The following AKT3 variants were observed in gnomAD, a reference collection of about 807,000 sequenced individuals.
AKT3 encodes the protein RAC-gamma serine/threonine-protein kinase.
Under a neutral mutation model 65.3 loss-of-function variants are expected in AKT3, and 15 were observed. That is an observed-to-expected ratio of 0.23 (90% CI 0.15 to 0.35). The LOEUF (loss-of-function observed/expected upper bound fraction) is 0.35, where lower values mean the gene tolerates loss of function less well. AKT3 is among the 10% of genes least tolerant of loss of function. The pLI is 1.00. For synonymous variants in AKT3, 206 were observed against 183.8 expected, an observed-to-expected ratio of 1.12 and a Z score of -0.98; for missense variants, 243 against 576.5, an observed-to-expected ratio of 0.42 and a Z score of 5.92.
chr1:243,733,994 A>C (rs1219048104), intron 2 of AKT3, among the ~76,000 whole-genome samples: 1 of 152,222 alleles, frequency 6.6e-6, no homozygotes, highest in Non-Finnish European at 1.5e-5. Context: ...GTATTAATAT[A>C]AATCTCAGAA....
At chr1:243,552,577 A>G in intron 11 of AKT3, 152 bp downstream of exon 11, 1 of 707,864 alleles carries the variant, frequency 1.4e-6, no homozygotes. Context: ...AATGTTCTAT[A>G]TTATGCAGTT....
intron 2 of AKT3, among the ~76,000 whole-genome samples, chr1:243,795,672 C>A (rs1174923613): frequency 1.3e-5 from 2 of 150,876 alleles, no homozygotes; most frequent in East Asian, 2.0e-4. Flanking sequence ...GGGGTTTCAC[C>A]GTTTTAGCCG....
chr1:243,533,089 A>T lies in AKT3; in HGVS notation c.1251+12421T>A, dbSNP rs992787604. 3.9e-5 allele frequency among the ~76,000 whole-genome samples: 6 copies of T among 152,300 alleles called. No individual in the cohort carries two copies. In the East Asian group the frequency reaches 1.2e-3, roughly 29 times the overall value. On this transcript the variant is annotated intron_variant, in intron 12 of 13. Coordinates refer to ENST00000673466, the MANE Select transcript of AKT3 (RefSeq NM_005465.7). ...TGTCAGTTTTGCTGATTTTTCAAAT[A>T]ACCAACTTTCGGTTTCGGTCATTAT...
chr1:243,836,752 A>C (rs182432047), intron 2 of AKT3, among the ~76,000 whole-genome samples: 3 of 152,064 alleles, frequency 2.0e-5, no homozygotes, highest in African/African-American at 7.2e-5. Flanking sequence ...CTCTACTAAA[A>C]GTAGAAAATT....
intron 12 of AKT3, among the ~76,000 whole-genome samples, chr1:243,525,936 A>G (rs956464123): frequency 6.7e-6 from 1 of 150,222 alleles, no homozygotes; most frequent in Non-Finnish European, 1.5e-5. Flanking sequence ...AGATTCAAAA[A>G]GCTCAGGCAA....
At chr1:243,550,958 C>CAA (rs60047036) in intron 11 of AKT3, among the ~76,000 whole-genome samples, 731 of 17,502 alleles carry the variant, frequency 0.042, 81 homozygotes, top group South Asian at 0.054. Context: ...GACTCCCTCT[C>CAA]AAAAAAAAAA....
At chr1:243,543,706 T>C (rs181732587) in intron 12 of AKT3, among the ~76,000 whole-genome samples, 3 of 152,318 alleles carry the variant, frequency 2.0e-5, no homozygotes, top group Admixed American at 2.0e-4. Flanking sequence ...TAAGTGGATA[T>C]AAAATTGTCT....
intron 6 of AKT3, among the ~76,000 whole-genome samples, chr1:243,622,855 T>A (rs1678866542): frequency 6.6e-6 from 1 of 152,066 alleles, no homozygotes; most frequent in Admixed American, 6.6e-5. Flanking sequence ...CGTTAAGAGA[T>A]TTCAGTTAAG....
At chr1:243,549,646 A>T (rs1672908152) in intron 11 of AKT3, among the ~76,000 whole-genome samples, 1 of 151,736 alleles carries the variant, frequency 6.6e-6, no homozygotes, top group Non-Finnish European at 1.5e-5. Context: ...GTTGGTCTTG[A>T]ACTCCCGACC....
chr1:243,727,292 G>C (rs142878950), intron 2 of AKT3, among the ~76,000 whole-genome samples: 141 of 152,108 alleles, frequency 9.3e-4, no homozygotes, highest in Non-Finnish European at 1.7e-3. Context: ...TAAGTTAGTT[G>C]ATTGATTGAT....
At chr1:243,750,862 A>G (rs762495644) in intron 2 of AKT3, among the ~76,000 whole-genome samples, 1 of 152,074 alleles carries the variant, frequency 6.6e-6, no homozygotes, top group Non-Finnish European at 1.5e-5. Flanking sequence ...GATTACAGGT[A>G]TGAGCCACCA....
chr1:243,806,142 A>G (rs560770627), intron 2 of AKT3, among the ~76,000 whole-genome samples: 17 of 152,232 alleles, frequency 1.1e-4, no homozygotes, highest in African/African-American at 3.9e-4. Flanking sequence ...CCTGCCACAC[A>G]CCCATCACCC....
At chr1:243,753,082 C>G (rs1167896389) in intron 2 of AKT3, among the ~76,000 whole-genome samples, 1 of 152,156 alleles carries the variant, frequency 6.6e-6, no homozygotes, top group Non-Finnish European at 1.5e-5. Context: ...TTAAGTTCTC[C>G]AAATGTCCCA....
intron 2 of AKT3, among the ~76,000 whole-genome samples, chr1:243,778,375 C>T (rs895741404): frequency 6.6e-6 from 1 of 152,070 alleles, no homozygotes; most frequent in Non-Finnish European, 1.5e-5. Context: ...AAGGTTGAGG[C>T]CAGCTTCCCA....
chr1:243,552,817 A>T lies in AKT3; in HGVS notation c.1075T>A (p.Leu359Ile). 2 of 1,614,046 alleles carry T rather than the reference A, an allele frequency of 1.2e-6. No homozygotes were observed. The highest frequency in any genetic ancestry group is 2.2e-5 in the South Asian group (2 of 91,070). The change falls in exon 11 of 14, where the codon TTA becomes ATA. Residue 359 changes from leucine to isoleucine, a missense_variant. By Grantham distance (5) the Leu-to-Ile change is conservative. Coordinates refer to ENST00000673466, the MANE Select transcript of AKT3 (RefSeq NM_005465.7). The stretch of plus-strand genomic sequence containing the variant: ...CGAGGAAATTTAATGTCTTCCATTA[A>T]TATTAATTCAAAAAGTTTCTCATGG... ...QDHEKLFELI[L>I]MEDIKFPRTL...
chr1:243,650,570 G>C (rs1443096580), intron 4 of AKT3, among the ~76,000 whole-genome samples: 1 of 151,956 alleles, frequency 6.6e-6, no homozygotes, highest in Non-Finnish European at 1.5e-5. Context: ...ATCCATCTTG[G>C]GTTGATTTTT....
intron 5 of AKT3, among the ~76,000 whole-genome samples, chr1:243,638,120 C>T (rs150610017): frequency 1.6e-4 from 25 of 152,132 alleles, no homozygotes; most frequent in African/African-American, 5.8e-4. Context: ...ACAAACATTT[C>T]CAAATATGCC....
chr1:243,615,930 G>C (rs562158185), intron 6 of AKT3, among the ~76,000 whole-genome samples: 11 of 151,924 alleles, frequency 7.2e-5, no homozygotes, highest in Admixed American at 3.9e-4. Flanking sequence ...TTTAGAGATA[G>C]GGTCTTGCTA....
At chr1:243,847,784 A>G (rs1348339643) in intron 1 of AKT3, among the ~76,000 whole-genome samples, 1 of 152,192 alleles carries the variant, frequency 6.6e-6, no homozygotes, top group African/African-American at 2.4e-5. Context: ...TTCACACTCC[A>G]GTATTTGTTA....
Sources: allele counts gnomAD v4.1 joint callset (sites outside exome capture counted in the v4.1 genomes callset), GRCh38; gene constraint gnomAD v4.1.1; transcripts MANE v1.5; gene names NCBI Gene and HGNC (gene_info 2026-07-23, HGNC 2026-07-21).